TBC1D32: variants seen among roughly 807,000 people sequenced by gnomAD.
TBC1D32 encodes the protein TBC1 domain family member 32.
TBC1D32 carries 151 observed loss-of-function variants against 170.3 expected under a neutral mutation model. The observed-to-expected ratio is 0.89, with a 90% CI of 0.78 to 1.01. TBC1D32 has a LOEUF of 1.01. TBC1D32 is among the 50% of genes least tolerant of loss of function. The pLI, the probability that TBC1D32 is intolerant of heterozygous loss-of-function variation, is 0.00. For missense variants in TBC1D32, 1,464 were observed against 1,457.1 expected (o/e 1.00, Z -0.08); for synonymous variants, 498 against 488.0 (o/e 1.02, Z -0.27).
chr6:121,287,217 AAG>A (rs1299425757), intron 12 of TBC1D32, among the ~76,000 whole-genome samples: 2 of 152,188 alleles, frequency 1.3e-5, no homozygotes, highest in Non-Finnish European at 2.9e-5. Context: ...CAAATTAGAT[AAG>A]GAGTCAAGGC....
intron 21 of TBC1D32, among the ~76,000 whole-genome samples, chr6:121,211,549 G>T (rs1207835520): frequency 6.6e-6 from 1 of 152,036 alleles, no homozygotes; most frequent in Non-Finnish European, 1.5e-5. Context: ...CCCATATCTG[G>T]GTGAGAACAT....
intron 10 of TBC1D32, 49 bp from the exon 11 acceptor site, chr6:121,294,709 C>G (rs776722614): frequency 7.2e-7 from 1 of 1,396,040 alleles, no homozygotes; most frequent in East Asian, 2.3e-5. Flanking sequence ...GCCCTCAAGT[C>G]CAAGAATTAA....
At chr6:121,303,847 A>C in intron 8 of TBC1D32, 86 bp from the exon 9 acceptor site, 1 of 920,352 alleles carries the variant, frequency 1.1e-6, no homozygotes. Context: ...AGTAGCATAT[A>C]ATCTTCAGAA....
intron 3 of TBC1D32, among the ~76,000 whole-genome samples, chr6:121,311,342 A>G (rs1041398697): frequency 6.6e-6 from 1 of 152,198 alleles, no homozygotes; most frequent in Non-Finnish European, 1.5e-5. Context: ...AGTTTATAGT[A>G]GATTATAAGA....
intron 15 of TBC1D32, among the ~76,000 whole-genome samples, chr6:121,278,510 G>T (rs1802535547): frequency 6.6e-6 from 1 of 152,058 alleles, no homozygotes; most frequent in Non-Finnish European, 1.5e-5. Context: ...TGTTATTTAT[G>T]GAGAGAAAAT....
At chr6:121,222,363 T>C (rs1049229237) in intron 21 of TBC1D32, among the ~76,000 whole-genome samples, 1 of 152,116 alleles carries the variant, frequency 6.6e-6, no homozygotes, top group Non-Finnish European at 1.5e-5. Context: ...ACTTAAGAAG[T>C]GCCAACATAC....
chr6:121,256,179 TA>T lies in TBC1D32; in HGVS notation c.1839del (p.Phe613LeufsTer18), dbSNP rs1416801098. ...CTATATATGTGACGACACACAGAAA[TA>T]AAAGCTCCTTTAACCACAGGCAACA... ...SEMLPVVKGA[F>X]ISVCRHIYST... is the part of the protein sequence containing the mutation. On this transcript the variant is annotated frameshift_variant, in exon 16 of 32. Transcript: ENST00000398212. LOFTEE classifies it high-confidence loss of function. 2.5e-6 allele frequency: 4 copies of T among 1,613,936 alleles called. No homozygotes were observed. Among genetic ancestry groups the T allele is most frequent in the Non-Finnish European group, 3.4e-6 (4 of 1,179,926 alleles).
chr6:121,314,710 T>C (rs1808689042), intron 3 of TBC1D32, among the ~76,000 whole-genome samples: 1 of 152,186 alleles, frequency 6.6e-6, no homozygotes, highest in Non-Finnish European at 1.5e-5. Context: ...GAGGAAAGGA[T>C]ACAAATTCTG....
intron 22 of TBC1D32, among the ~76,000 whole-genome samples, chr6:121,177,613 T>C (rs1787954879): frequency 6.6e-6 from 1 of 152,174 alleles, no homozygotes; most frequent in South Asian, 2.1e-4. Flanking sequence ...ATTGCCTACA[T>C]TGGTGGCTGA....
chr6:121,210,082 G>C lies in TBC1D32; in HGVS notation c.2482-4919C>G, dbSNP rs563643373. ...TATCATTCACCTTTAATTTAATAAA[G>C]TACAACTTGAGAGTTGTTCACAGGC... On this transcript the variant is annotated intron_variant, in intron 21 of 31. Transcript: ENST00000398212. 5.4e-4 allele frequency among the ~76,000 whole-genome samples: 82 copies of C among 152,230 alleles called. 1 individual carries two copies. Among genetic ancestry groups the C allele is most frequent in the Middle Eastern group, 3.4e-3 (1 of 294 alleles).
chr6:121,111,599 T>C (rs1180134245), intron 29 of TBC1D32, among the ~76,000 whole-genome samples: 1 of 152,138 alleles, frequency 6.6e-6, no homozygotes, highest in Non-Finnish European at 1.5e-5. Flanking sequence ...TCTGTGTTCA[T>C]GGGAGGAAAA....
chr6:121,259,947 A>G (rs949875086), intron 15 of TBC1D32, among the ~76,000 whole-genome samples: 64 of 152,158 alleles, frequency 4.2e-4, no homozygotes, highest in African/African-American at 1.4e-3. Context: ...AGGGTATCAC[A>G]GGATTCAATC....
intron 12 of TBC1D32, among the ~76,000 whole-genome samples, chr6:121,287,182 G>A (rs1458448170): frequency 2.0e-5 from 3 of 152,136 alleles, no homozygotes; most frequent in Non-Finnish European, 4.4e-5. Context: ...TGGGCTAAAT[G>A]CTCCAATTAA....
chr6:121,147,620 C>G (rs573153268), intron 24 of TBC1D32, among the ~76,000 whole-genome samples: 1 of 151,858 alleles, frequency 6.6e-6, no homozygotes, highest in Non-Finnish European at 1.5e-5. Flanking sequence ...GAGACGGAGT[C>G]TTGCTCTGTC....
intron 26 of TBC1D32, chr6:121,115,659 C>G (rs1779613560): frequency 6.5e-6 from 1 of 153,360 alleles, no homozygotes; most frequent in Admixed American, 6.5e-5. Flanking sequence ...CAGTGTTCCA[C>G]TTTTAATGTA....
chr6:121,282,219 T>C (rs1803120576), intron 13 of TBC1D32, among the ~76,000 whole-genome samples: 1 of 151,664 alleles, frequency 6.6e-6, no homozygotes, highest in Admixed American at 6.6e-5. Flanking sequence ...AAAACAAAGA[T>C]CATTTTTTAG....
intron 10 of TBC1D32, among the ~76,000 whole-genome samples, chr6:121,294,933 T>A (rs1805396510): frequency 6.6e-6 from 1 of 152,150 alleles, no homozygotes; most frequent in Admixed American, 6.6e-5. Flanking sequence ...GTAATTTATA[T>A]TTTATAGTGA....
At chr6:121,132,316 G>A (rs1781524063) in intron 24 of TBC1D32, among the ~76,000 whole-genome samples, 2 of 152,032 alleles carry the variant, frequency 1.3e-5, no homozygotes, top group East Asian at 1.9e-4. Flanking sequence ...GTTGAGCTTC[G>A]TGTTGTTTCT....
chr6:121,268,911 C>A (rs1410934902), intron 15 of TBC1D32, among the ~76,000 whole-genome samples: 1 of 152,212 alleles, frequency 6.6e-6, no homozygotes, highest in Non-Finnish European at 1.5e-5. Flanking sequence ...AACAGCGGAT[C>A]TCTCGGCAGA....
Sources: allele counts gnomAD v4.1 joint callset (sites outside exome capture counted in the v4.1 genomes callset), GRCh38; gene constraint gnomAD v4.1.1; transcripts MANE v1.5; gene names NCBI Gene and HGNC (gene_info 2026-07-23, HGNC 2026-07-21).